ATP8A1: variants seen among roughly 807,000 people sequenced by gnomAD.
ATP8A1 encodes phospholipid-transporting ATPase IA.
ATP8A1 carries 90 observed loss-of-function variants against 177.7 expected under a neutral mutation model. The ratio of observed to expected loss-of-function variants is 0.51; its 90% CI spans 0.43 to 0.60. The LOEUF is 0.60. Among genes scored for constraint, ATP8A1 ranks in the 20% least tolerant of loss-of-function variants. The probability of loss-of-function intolerance (pLI) is 0.00; values close to 1 mark genes in which losing one functional copy is unlikely to be tolerated. For missense variants in ATP8A1, 1,072 were observed against 1,392.8 expected, an observed-to-expected ratio of 0.77 and a Z score of 3.67; for synonymous variants, 493 against 485.9, an observed-to-expected ratio of 1.01 and a Z score of -0.19.
rs766925280 is a variant in ATP8A1 at position 42,446,664 on chromosome 4, C to T, written c.2897-20G>A. 6.2e-7 allele frequency: 1 copy of T among 1,601,970 alleles called. No homozygotes were observed. Among genetic ancestry groups the T allele is most frequent in the Non-Finnish European group, 8.5e-7 (1 of 1,171,024 alleles). ...CAGTACCTGTACGAAAAGGAGAGGC[C>T]TATTAGAAAGGAAAATGAGATTCTT... On this transcript the variant is annotated intron_variant, in intron 30 of 36. Transcript: ENST00000381668.
chr4:42,520,782 T>C (rs1182162491), intron 22 of ATP8A1, among the ~76,000 whole-genome samples: 1 of 152,172 alleles, frequency 6.6e-6, no homozygotes, highest in Non-Finnish European at 1.5e-5. Flanking sequence ...TATCTCTATA[T>C]ATACAGGTAT....
rs1355222024 is a variant in ATP8A1, at chr4:42,483,276, A to G, written c.2324+2220T>C. On this transcript the variant is annotated intron_variant, in intron 25 of 36. Coordinates refer to ENST00000381668, the MANE Select transcript of ATP8A1 (RefSeq NM_006095.2). The stretch of plus-strand genomic sequence containing the variant: ...ACTGATGTAATTATGGGCTTAGACC[A>G]ATTCTCAAACATGCCAGAAGCTGAA... Among the ~76,000 whole-genome samples the G allele has an allele frequency of 6.6e-5, 10 of 152,276 alleles. 1 individual carries two copies. The East Asian group carries it at 1.9e-3, about 29-fold the overall frequency.
At chr4:42,572,542 G>A (rs1732011981) in intron 14 of ATP8A1, among the ~76,000 whole-genome samples, 1 of 152,166 alleles carries the variant, frequency 6.6e-6, no homozygotes, top group Admixed American at 6.5e-5. Flanking sequence ...ATGTGTTTGG[G>A]AGGGAACACT....
At chr4:42,531,890 A>G (rs1350558275) in intron 20 of ATP8A1, among the ~76,000 whole-genome samples, 1 of 152,114 alleles carries the variant, frequency 6.6e-6, no homozygotes, top group East Asian at 1.9e-4. Flanking sequence ...AGGCTGAGGT[A>G]GGCATTCAAG....
chr4:42,484,491 G>A (rs1722005261), intron 25 of ATP8A1, among the ~76,000 whole-genome samples: 1 of 152,072 alleles, frequency 6.6e-6, no homozygotes, highest in African/African-American at 2.4e-5. Flanking sequence ...CAGAAAGTAT[G>A]TCTCAACTGA....
chr4:42,461,451 G>T (rs1390843201), intron 27 of ATP8A1, among the ~76,000 whole-genome samples: 1 of 151,944 alleles, frequency 6.6e-6, no homozygotes, highest in Non-Finnish European at 1.5e-5. Context: ...GAGATTTGAT[G>T]GTTTTGAAAA....
In ATP8A1 at chr4:42,411,758, T is replaced by C. The variant is rs1712639019; in HGVS notation, c.*1158A>G. 2 of 152,222 alleles carry C rather than the reference T, an allele frequency of 1.3e-5. No homozygotes were observed. Among genetic ancestry groups the C allele is most frequent in the South Asian group, 4.1e-4 (2 of 4,828 alleles). The allele number at this position is 152,222 out of a possible 1,614,324, so 9.4% of individuals were successfully genotyped here. On this transcript the variant is annotated 3_prime_UTR_variant, in exon 37 of 37. Transcript: ENST00000381668. ...AAATGGGGAAAATGTACTACCTATT[T>C]GTCCCAATAAGCAGCATGTGACGAA...
intron 29 of ATP8A1, among the ~76,000 whole-genome samples, chr4:42,452,997 G>A (rs1047539936): frequency 3.9e-5 from 6 of 152,040 alleles, no homozygotes; most frequent in African/African-American, 9.7e-5. Flanking sequence ...TCCAATTTAC[G>A]CTCCAATACA....
chr4:42,527,112 G>A (rs1316126984), intron 20 of ATP8A1, among the ~76,000 whole-genome samples: 1 of 150,212 alleles, frequency 6.7e-6, no homozygotes, highest in Non-Finnish European at 1.5e-5. Context: ...GATGAACTCA[G>A]GGATTCTATC....
chr4:42,452,548 T>G (rs1718041673), intron 29 of ATP8A1, among the ~76,000 whole-genome samples: 2 of 152,206 alleles, frequency 1.3e-5, no homozygotes, highest in Non-Finnish European at 2.9e-5. Flanking sequence ...GGTATCAAGA[T>G]ATATACTCGT....
chr4:42,622,642 T>C (rs11728814), intron 4 of ATP8A1, among the ~76,000 whole-genome samples: 34,096 of 152,024 alleles, frequency 0.22, 4,260 homozygotes, highest in Non-Finnish European at 0.29. Flanking sequence ...TTGCAAACTA[T>C]GCATCTGACA....
chr4:42,511,361 G>A (rs1724988289), intron 22 of ATP8A1, among the ~76,000 whole-genome samples: 1 of 152,020 alleles, frequency 6.6e-6, no homozygotes. Flanking sequence ...GGCCACTAAT[G>A]GGCACTAGGG....
intron 5 of ATP8A1, among the ~76,000 whole-genome samples, chr4:42,604,838 C>G (rs1397278987): frequency 1.3e-5 from 2 of 152,142 alleles, no homozygotes; most frequent in African/African-American, 2.4e-5. Context: ...GAATGTTATT[C>G]TGCCATAAAA....
At chr4:42,539,354 C>T (rs1728155565) in intron 20 of ATP8A1, among the ~76,000 whole-genome samples, 1 of 151,144 alleles carries the variant, frequency 6.6e-6, no homozygotes, top group Non-Finnish European at 1.5e-5. Flanking sequence ...CTGAAATCAC[C>T]ACTGAAGAAT....
At position 42,507,090 on chromosome 4, in the gene ATP8A1, A is replaced by G. The variant is rs1345290995; in HGVS notation, c.2012T>C (p.Ile671Thr). ...GATGTCTGCTTTCATTAGCGTTTCTATGGTTTCAGGCACTTGATCTTGTAA... is the reference window on the plus strand; with the variant it reads ...GATGTCTGCTTTCATTAGCGTTTCTGTGGTTTCAGGCACTTGATCTTGTAA... ...DKLQDQVPET[I>T]ETLMKADIKI... Residue 671 changes from isoleucine to threonine, a missense_variant, in exon 23 of 37, where the codon ATA (isoleucine) becomes ACA (threonine). By Grantham distance (89) the Ile-to-Thr change is moderately conservative. Around this residue, in one of 5 missense-constraint regions of ATP8A1, gnomAD observed 388 missense variants for 471.7 expected, o/e 0.82. Coordinates refer to ENST00000381668, the MANE Select transcript of ATP8A1 (RefSeq NM_006095.2). The G allele has an allele frequency of 2.5e-6, 4 of 1,614,042 alleles. No individual in the cohort carries two copies. In the East Asian group the frequency reaches 8.9e-5, roughly 36 times the overall value.
At chr4:42,499,801 T>G (rs979189014) in intron 24 of ATP8A1, among the ~76,000 whole-genome samples, 2 of 152,214 alleles carry the variant, frequency 1.3e-5, no homozygotes, top group Non-Finnish European at 2.9e-5. Context: ...AAGAGTTTAA[T>G]TAGAAACTGG....
intron 5 of ATP8A1, among the ~76,000 whole-genome samples, chr4:42,614,126 G>A (rs1460752655): frequency 6.6e-6 from 1 of 152,130 alleles, no homozygotes; most frequent in Non-Finnish European, 1.5e-5. Flanking sequence ...GAACCAAGAT[G>A]GATAGTCAAG....
At chr4:42,605,820 G>A (rs1157708155) in intron 5 of ATP8A1, among the ~76,000 whole-genome samples, 4 of 152,100 alleles carry the variant, frequency 2.6e-5, no homozygotes, top group African/African-American at 9.7e-5. Context: ...AGAAAAATGT[G>A]GCATACTGCC....
At chr4:42,498,175 C>T (rs1453353758) in intron 24 of ATP8A1, among the ~76,000 whole-genome samples, 1 of 152,108 alleles carries the variant, frequency 6.6e-6, no homozygotes, top group African/African-American at 2.4e-5. Context: ...CCTGAAGTAG[C>T]CCAAATTCTC....
Sources: gnomAD v4.1 joint callset for allele counts (sites outside exome capture counted in the v4.1 genomes callset) on GRCh38, gnomAD v4.1.1 for gene constraint, gnomAD v4.1.1 regional missense constraint, MANE v1.5 for transcripts, NCBI Gene and HGNC (gene_info 2026-07-23, HGNC 2026-07-21) for gene names.